The following ADGRL3 variants were observed in gnomAD, a reference collection of about 807,000 sequenced individuals.
ADGRL3 encodes adhesion G protein-coupled receptor L3, also known as calcium-independent alpha-latrotoxin receptor 3.
A neutral mutation model predicts 153.5 loss-of-function variants in ADGRL3; 62 were observed. The observed-to-expected ratio is 0.40, with a 90% CI of 0.33 to 0.50. The LOEUF is 0.50. Ranked by LOEUF, ADGRL3 falls within the 20% of genes least tolerant of loss-of-function variation. ADGRL3 has a pLI of 0.47. For missense variants in ADGRL3, 1,641 were observed against 1,859.4 expected (o/e 0.88, Z 2.16); for synonymous variants, 710 against 672.5 (o/e 1.06, Z -0.86).
intron 21 of ADGRL3, among the ~76,000 whole-genome samples, chr4:61,999,257 C>T (rs2099132207): frequency 6.6e-6 from 1 of 152,128 alleles, no homozygotes; most frequent in African/African-American, 2.4e-5. Flanking sequence ...ACCCAAGTTC[C>T]ACTTTTGTAC....
At chr4:61,833,634 T>C (rs1443146081) in intron 9 of ADGRL3, among the ~76,000 whole-genome samples, 2 of 152,074 alleles carry the variant, frequency 1.3e-5, no homozygotes, top group Admixed American at 6.6e-5. Flanking sequence ...ATCTGCAAAA[T>C]ATCTCAAGTA....
chr4:61,934,807 G>A, intron 13 of ADGRL3, 33 bp from the exon 14 acceptor site: 1 of 1,575,890 alleles, frequency 6.3e-7, no homozygotes, highest in Non-Finnish European at 8.7e-7. Context: ...GGGTTCACTA[G>A]AGACCTCTGT....
At chr4:61,650,727 A>G (rs1202088345) in intron 5 of ADGRL3, among the ~76,000 whole-genome samples, 1 of 152,140 alleles carries the variant, frequency 6.6e-6, no homozygotes, top group East Asian at 1.9e-4. Context: ...AGGTCTTTAT[A>G]AACGGAGGAG....
Position 61,565,253 on chromosome 4 carries a change from G to A in ADGRL3, c.260-21974G>A, listed in dbSNP as rs139901641. On this transcript the variant is annotated intron_variant, in intron 4 of 26. Coordinates refer to ENST00000683033, the MANE Select transcript of ADGRL3 (RefSeq NM_001387552.1). The stretch of plus-strand genomic sequence containing the variant: ...ACACACATACACTGACATAATGTTT[G>A]TTCTTTTCATATCATCTATTGTATG... 2.0e-3 allele frequency among the ~76,000 whole-genome samples: 311 copies of A among 152,152 alleles called. 1 individual carries two copies. Among genetic ancestry groups the A allele is most frequent in the African/African-American group, 7.1e-3 (295 of 41,520 alleles).
At chr4:61,235,959 A>C (rs1194534811) in intron 1 of ADGRL3, among the ~76,000 whole-genome samples, 2 of 149,646 alleles carry the variant, frequency 1.3e-5, no homozygotes, top group Non-Finnish European at 3.0e-5. Flanking sequence ...CTCATGAGAG[A>C]GCATTTATTT....
At chr4:61,916,993 A>C (rs1299360224) in intron 13 of ADGRL3, among the ~76,000 whole-genome samples, 1 of 152,146 alleles carries the variant, frequency 6.6e-6, no homozygotes, top group East Asian at 1.9e-4. Context: ...TTTATTAGGC[A>C]TTAATTATGT....
intron 5 of ADGRL3, among the ~76,000 whole-genome samples, chr4:61,625,863 G>C (rs1229498426): frequency 1.3e-5 from 2 of 152,070 alleles, no homozygotes; most frequent in South Asian, 2.1e-4. Context: ...TGAGTAGTAA[G>C]TAAGTAAAGG....
intron 6 of ADGRL3, among the ~76,000 whole-genome samples, chr4:61,727,447 A>G (rs1298936375): frequency 6.6e-6 from 1 of 152,194 alleles, no homozygotes; most frequent in Non-Finnish European, 1.5e-5. Context: ...TTTGGAAATG[A>G]ACAATAACAG....
intron 2 of ADGRL3, among the ~76,000 whole-genome samples, chr4:61,476,016 C>T (rs575598124): frequency 6.6e-6 from 1 of 152,224 alleles, no homozygotes; most frequent in African/African-American, 2.4e-5. Flanking sequence ...ATGGGCATTT[C>T]TTTGGGCTTT....
intron 21 of ADGRL3, among the ~76,000 whole-genome samples, chr4:61,999,546 T>G (rs1271265770): frequency 1.3e-5 from 2 of 152,224 alleles, no homozygotes. Context: ...TATTAAACGC[T>G]TTTACTTAAA....
rs1734579526 is a variant in ADGRL3, at chr4:61,201,261, T to A, written c.-744T>A. On this transcript the variant is annotated 5_prime_UTR_variant, in exon 1 of 27. Transcript: ENST00000683033. ...TTGGTCTCTTCGGCAGCGTCTTTTC[T>A]TAAGCGGCGGCGGCAGCAGCAGCAG... is the stretch of plus-strand genomic sequence containing the variant. The A allele has an allele frequency of 6.5e-6, 1 of 152,846 alleles. No individual in the cohort carries two copies. The highest frequency in any genetic ancestry group is 1.9e-4 in the South Asian group (1 of 5,254). The allele number at this position is 152,846 out of a possible 1,614,324, so 9.5% of individuals were successfully genotyped here.
In ADGRL3 at chr4:62,071,808, C is replaced by T. The variant is rs1293789163; in HGVS notation, c.*900C>T. 1 of 393,102 alleles carries T rather than the reference C, an allele frequency of 2.5e-6. No individual in the cohort carries two copies. Among genetic ancestry groups the T allele is most frequent in the Non-Finnish European group, 4.9e-6 (1 of 205,648 alleles). The allele number at this position is 393,102 out of a possible 1,614,324, so 24.4% of individuals were successfully genotyped here. A position where few individuals can be genotyped will look rare whatever the true frequency, so the allele number is the denominator to read the frequency against. ...GCAAAAAATAAATAAATGGAACTAT[C>T]ACTTTATAAGAATCATTTTCTAGTA... On this transcript the variant is annotated 3_prime_UTR_variant, in exon 27 of 27. Transcript: ENST00000683033.
chr4:61,416,736 T>G (rs2097148829), intron 2 of ADGRL3, among the ~76,000 whole-genome samples: 2 of 152,128 alleles, frequency 1.3e-5, no homozygotes, highest in South Asian at 4.1e-4. Context: ...AGGAACCAGT[T>G]TTGTGGAAGA....
chr4:61,546,965 C>G (rs1222963497), intron 4 of ADGRL3, among the ~76,000 whole-genome samples: 1 of 152,098 alleles, frequency 6.6e-6, no homozygotes, highest in South Asian at 2.1e-4. Context: ...CAGAACTAAA[C>G]TCATTTATCA....
rs1000753733 is a variant in ADGRL3, at chr4:61,220,124, A to G, written c.-240+18359A>G. ...CAAAAATCTGTCTCAAAAAAAAAAA[A>G]AAAAAGAAAAGAAAAAGAAAATACA... On this transcript the variant is annotated intron_variant, in intron 1 of 26. Transcript: ENST00000683033. 4.6e-5 allele frequency among the ~76,000 whole-genome samples: 7 copies of G among 151,926 alleles called. No individual in the cohort carries two copies. The East Asian group carries it at 1.3e-3, about 29-fold the overall frequency.
At chr4:61,852,288 AT>A (rs199853907) in intron 9 of ADGRL3, among the ~76,000 whole-genome samples, 27,294 of 142,218 alleles carry the variant, frequency 0.19, 3,269 homozygotes, top group African/African-American at 0.37. Flanking sequence ...TTTTATTTTA[AT>A]TTTATTTTAT....
intron 1 of ADGRL3, among the ~76,000 whole-genome samples, chr4:61,361,676 A>G (rs145250368): frequency 4.3e-4 from 66 of 152,306 alleles, no homozygotes; most frequent in Middle Eastern, 3.4e-3. Context: ...AGCTATTTTT[A>G]TTGTGAATTA....
rs1010863828 is a variant in ADGRL3 at position 61,769,994 on chromosome 4, C to A, written c.1399+36440C>A. On this transcript the variant is annotated intron_variant, in intron 8 of 26. Transcript: ENST00000683033. ...GTACAGGTGCAGGTCACAGGGGATACGATGGCTTGGCTTGGGCTCAGAGGC... is the reference window on the plus strand; with the variant it reads ...GTACAGGTGCAGGTCACAGGGGATAAGATGGCTTGGCTTGGGCTCAGAGGC... 7.2e-5 allele frequency among the ~76,000 whole-genome samples: 11 copies of A among 152,230 alleles called. No individual in the cohort carries two copies. In the East Asian group the frequency reaches 2.1e-3, roughly 29 times the overall value.
intron 1 of ADGRL3, among the ~76,000 whole-genome samples, chr4:61,267,214 G>T (rs536746114): frequency 6.6e-6 from 1 of 151,624 alleles, no homozygotes; most frequent in Non-Finnish European, 1.5e-5. Flanking sequence ...CGAATGTAAT[G>T]AATTGCCAGA....
Sources: allele counts gnomAD v4.1 joint callset (sites outside exome capture counted in the v4.1 genomes callset), GRCh38; gene constraint gnomAD v4.1.1; transcripts MANE v1.5; gene names NCBI Gene and HGNC (gene_info 2026-07-23, HGNC 2026-07-21).